SOX5: variants seen among roughly 807,000 people sequenced by gnomAD.
SOX5 encodes transcription factor SOX-5.
SOX5 carries 9 observed loss-of-function variants against 92.0 expected under a neutral mutation model. That is an observed-to-expected ratio of 0.10 (90% CI 0.06 to 0.17). The LOEUF (loss-of-function observed/expected upper bound fraction) is 0.17, where lower values mean the gene tolerates loss of function less well. SOX5 is among the 10% of genes least tolerant of loss of function. SOX5 has a pLI of 1.00. For missense variants in SOX5, 642 were observed against 944.5 expected, an observed-to-expected ratio of 0.68 and a Z score of 4.20; for synonymous variants, 344 against 336.3, an observed-to-expected ratio of 1.02 and a Z score of -0.25.
At chr12:23,585,108 T>C (rs1950544773) in intron 9 of SOX5, among the ~76,000 whole-genome samples, 1 of 152,146 alleles carries the variant, frequency 6.6e-6, no homozygotes, top group Non-Finnish European at 1.5e-5. Context: ...ATTTCAAAGG[T>C]TATTTACGTT....
At chr12:24,009,618 G>C (rs1952686159) in intron 4 of SOX5, among the ~76,000 whole-genome samples, 1 of 151,936 alleles carries the variant, frequency 6.6e-6, no homozygotes, top group South Asian at 2.1e-4. Context: ...TACAAGAAGA[G>C]GTTAAAAAGA....
intron 1 of SOX5, among the ~76,000 whole-genome samples, chr12:24,416,370 C>T (rs1449088048): frequency 6.6e-6 from 1 of 152,182 alleles, no homozygotes; most frequent in Non-Finnish European, 1.5e-5. Flanking sequence ...CTTCCTCAGG[C>T]AATGGAGGGA....
At chr12:24,305,194 TAAAG>T (rs1244297848) in intron 2 of SOX5, among the ~76,000 whole-genome samples, 1 of 152,148 alleles carries the variant, frequency 6.6e-6, no homozygotes, top group Admixed American at 6.5e-5. Context: ...TAGTAGAAAA[TAAAG>T]AAAGTGATAT....
At chr12:23,991,154 G>C (rs1238914822) in intron 4 of SOX5, among the ~76,000 whole-genome samples, 1 of 149,080 alleles carries the variant, frequency 6.7e-6, no homozygotes, top group East Asian at 2.0e-4. Flanking sequence ...AGGAGTTCAA[G>C]ACCAGCCTGG....
chr12:24,095,743 A>G (rs1413659190), intron 4 of SOX5, among the ~76,000 whole-genome samples: 1 of 152,074 alleles, frequency 6.6e-6, no homozygotes, highest in Admixed American at 6.5e-5. Context: ...TGCTTCCCCC[A>G]TGCTGTTCTT....
At chr12:24,280,228 C>T (rs908724118) in intron 2 of SOX5, among the ~76,000 whole-genome samples, 3 of 152,144 alleles carry the variant, frequency 2.0e-5, no homozygotes, top group Non-Finnish European at 4.4e-5. Context: ...CTGCAGAATG[C>T]ACTGTCATAC....
intron 2 of SOX5, among the ~76,000 whole-genome samples, chr12:24,360,684 G>T (rs1955446444): frequency 6.6e-6 from 1 of 152,188 alleles, no homozygotes; most frequent in Non-Finnish European, 1.5e-5. Context: ...TGAGATCTTA[G>T]TGGTTCATAG....
intron 2 of SOX5, among the ~76,000 whole-genome samples, chr12:24,295,741 G>GT (rs67910015): frequency 0.77 from 117,068 of 151,916 alleles, 45,627 homozygotes; most frequent in East Asian, 0.98. Context: ...AATTTTTGTA[G>GT]TTTTTTTGTA....
intron 4 of SOX5, among the ~76,000 whole-genome samples, chr12:23,957,912 GT>G (rs1946465745): frequency 6.6e-6 from 1 of 151,984 alleles, no homozygotes. Context: ...ATAAATTAAT[GT>G]TTGTAATTTG....
chr12:23,662,158 C>CAT lies in SOX5; in HGVS notation c.931+3284_931+3285dup, dbSNP rs890532528. 8.9e-5 allele frequency among the ~76,000 whole-genome samples: 13 copies of CAT among 145,396 alleles called. No individual in the cohort carries two copies. The South Asian group carries it at 2.4e-3, about 27-fold the overall frequency. On this transcript the variant is annotated intron_variant, in intron 7 of 14. Transcript: ENST00000451604. The stretch of plus-strand genomic sequence containing the variant: ...TTATATATATACACACACACATATA[C>CAT]ATATATATATATAGAGAGAGAGAGA...
At chr12:24,399,550 T>C (rs913274589) in intron 1 of SOX5, among the ~76,000 whole-genome samples, 3 of 152,236 alleles carry the variant, frequency 2.0e-5, no homozygotes, top group Non-Finnish European at 2.9e-5. Context: ...CACAAAGATC[T>C]TTCCATGTCT....
At chr12:23,778,855 G>A (rs2095191378) in intron 3 of SOX5, among the ~76,000 whole-genome samples, 1 of 152,192 alleles carries the variant, frequency 6.6e-6, no homozygotes, top group Non-Finnish European at 1.5e-5. Flanking sequence ...GTGAAGGCAA[G>A]AAGGATCTGC....
intron 4 of SOX5, among the ~76,000 whole-genome samples, chr12:24,062,570 T>C (rs1039276242): frequency 2.0e-5 from 3 of 152,204 alleles, no homozygotes; most frequent in Admixed American, 6.5e-5. Context: ...ATGCTTCCTC[T>C]GTAGGAAAAA....
chr12:24,190,856 G>C (rs1178148992), intron 4 of SOX5, among the ~76,000 whole-genome samples: 1 of 152,164 alleles, frequency 6.6e-6, no homozygotes, highest in Admixed American at 6.5e-5. Flanking sequence ...CTCTTTATAT[G>C]AATTACAGCA....
rs1356516037 is a variant in SOX5, at chr12:23,616,946, C to A, written c.1018-12413G>T. On this transcript the variant is annotated intron_variant, in intron 8 of 14. Transcript: ENST00000451604. ...ACGAGCCTGGGCAACATAGCGAAAC[C>A]CCATTTCAACAAAAACTTAAAAATA... Among the ~76,000 whole-genome samples, 3 of 151,838 alleles carry A rather than the reference C, an allele frequency of 2.0e-5. No homozygotes were observed. The East Asian group carries it at 5.8e-4, about 29-fold the overall frequency.
intron 1 of SOX5, among the ~76,000 whole-genome samples, chr12:24,404,789 A>G (rs769386828): frequency 6.6e-5 from 10 of 152,106 alleles, no homozygotes; most frequent in Non-Finnish European, 1.2e-4. Context: ...CCTTCCCCCC[A>G]AATTCATATG....
chr12:24,197,689 T>G (rs1451764649), intron 4 of SOX5, among the ~76,000 whole-genome samples: 1 of 152,198 alleles, frequency 6.6e-6, no homozygotes, highest in Non-Finnish European at 1.5e-5. Flanking sequence ...ACTGGTCTGC[T>G]GCAGCCCTAC....
intron 1 of SOX5, among the ~76,000 whole-genome samples, chr12:23,912,509 CAT>C (rs1441845585): frequency 1.3e-5 from 2 of 152,114 alleles, no homozygotes; most frequent in Non-Finnish European, 2.9e-5. Flanking sequence ...CAATTGAAAA[CAT>C]ATGTCCATGC....
chr12:23,884,106 C>G (rs1224774599), intron 2 of SOX5, among the ~76,000 whole-genome samples: 1 of 152,174 alleles, frequency 6.6e-6, no homozygotes, highest in African/African-American at 2.4e-5. Flanking sequence ...GAACAACTGA[C>G]AATTACTGAG....
Sources: allele counts gnomAD v4.1 joint callset (sites outside exome capture counted in the v4.1 genomes callset), GRCh38; gene constraint gnomAD v4.1.1; transcripts MANE v1.5; gene names NCBI Gene and HGNC (gene_info 2026-07-23, HGNC 2026-07-21).